Variants in HHAT observed in about 807,000 individuals in gnomAD.
HHAT encodes hedgehog acyltransferase, also known as protein-cysteine N-palmitoyltransferase HHAT.
In HHAT, 47 loss-of-function variants were observed where a neutral mutation model predicts 70.8. That is an observed-to-expected ratio of 0.66 (90% CI 0.53 to 0.85). HHAT has a LOEUF of 0.85. HHAT is among the 40% of genes least tolerant of loss of function. The pLI is 0.00. For synonymous variants in HHAT, 228 were observed against 247.6 expected, an observed-to-expected ratio of 0.92 and a Z score of 0.74; for missense variants, 609 against 604.8, an observed-to-expected ratio of 1.01 and a Z score of -0.07.
At chr1:210,613,870 A>G (rs1667101890) in intron 10 of HHAT, among the ~76,000 whole-genome samples, 1 of 151,962 alleles carries the variant, frequency 6.6e-6, no homozygotes, top group African/African-American at 2.4e-5. Flanking sequence ...AAAGCAAACA[A>G]TTAGCCAATT....
intron 7 of HHAT, among the ~76,000 whole-genome samples, chr1:210,420,205 A>G (rs777048587): frequency 4.1e-4 from 63 of 152,134 alleles, no homozygotes; most frequent in Non-Finnish European, 7.6e-4. Context: ...TTAAAATTGC[A>G]TATGTTAACA....
chr1:210,408,409 C>T (rs2092414233), intron 6 of HHAT, among the ~76,000 whole-genome samples: 1 of 152,128 alleles, frequency 6.6e-6, no homozygotes, highest in South Asian at 2.1e-4. Flanking sequence ...TCTTGAACTC[C>T]CGACCTCAGG....
chr1:210,601,523 C>T (rs777929520), intron 10 of HHAT, among the ~76,000 whole-genome samples: 14 of 152,072 alleles, frequency 9.2e-5, no homozygotes, highest in East Asian at 1.9e-4. Flanking sequence ...TACCCTTTCT[C>T]GACAGAGCCC....
chr1:210,395,607 T>C (rs767124188), intron 4 of HHAT, among the ~76,000 whole-genome samples: 1 of 152,190 alleles, frequency 6.6e-6, no homozygotes, highest in Non-Finnish European at 1.5e-5. Context: ...TGTTAAGAGA[T>C]GCTGTGAGTA....
At chr1:210,523,600 T>TTG (rs60537364) in intron 9 of HHAT, among the ~76,000 whole-genome samples, 51,055 of 151,460 alleles carry the variant, frequency 0.34, 8,687 homozygotes, top group Middle Eastern at 0.39. Flanking sequence ...TAAATATAGC[T>TTG]TGTGTGTGTG....
intron 2 of HHAT, among the ~76,000 whole-genome samples, chr1:210,354,133 C>G (rs1278288756): frequency 6.6e-6 from 1 of 150,914 alleles, no homozygotes; most frequent in Admixed American, 6.6e-5. Context: ...TTCAATCCAT[C>G]TCAAGTGTAT....
chr1:210,462,099 C>T (rs1385984341), intron 7 of HHAT, among the ~76,000 whole-genome samples: 3 of 152,142 alleles, frequency 2.0e-5, no homozygotes, highest in Non-Finnish European at 2.9e-5. Context: ...ATTTATATGC[C>T]TTGAATCTGA....
intron 11 of HHAT, among the ~76,000 whole-genome samples, chr1:210,637,556 C>T (rs1220085524): frequency 6.6e-6 from 1 of 152,018 alleles, no homozygotes; most frequent in Non-Finnish European, 1.5e-5. Flanking sequence ...ATAAAAAAGA[C>T]AAATCACCCA....
intron 9 of HHAT, among the ~76,000 whole-genome samples, chr1:210,564,686 G>A (rs1654216433): frequency 6.6e-6 from 1 of 152,152 alleles, no homozygotes; most frequent in African/African-American, 2.4e-5. Flanking sequence ...TATCTAAAGA[G>A]GAAAGTGGAG....
intron 5 of HHAT, among the ~76,000 whole-genome samples, chr1:210,402,090 C>T (rs945172161): frequency 1.3e-5 from 2 of 152,170 alleles, no homozygotes; most frequent in East Asian, 1.9e-4. Context: ...GGAGTAAAGG[C>T]AGAGTCTGTG....
At chr1:210,486,294 C>T (rs1370948817) in intron 8 of HHAT, among the ~76,000 whole-genome samples, 1 of 152,166 alleles carries the variant, frequency 6.6e-6, no homozygotes, top group Non-Finnish European at 1.5e-5. Context: ...ATTTGTGTAA[C>T]AGCCTAGTAA....
In HHAT at chr1:210,610,570, T is replaced by A. The variant is rs188506294; in HGVS notation, c.1246-12956T>A. Among the ~76,000 whole-genome samples the A allele has an allele frequency of 1.9e-3, 291 of 152,342 alleles. 1 individual carries two copies. Among genetic ancestry groups the A allele is most frequent in the South Asian group, 7.7e-3 (37 of 4,834 alleles). On this transcript the variant is annotated intron_variant, in intron 10 of 11. Transcript: ENST00000261458. ...TTTCGTTGCAATTGCTTTTGGGGAT[T>A]TTGTCATGAAATCTTTGCCTGTGCC...
intron 9 of HHAT, among the ~76,000 whole-genome samples, chr1:210,549,785 G>A (rs530117081): frequency 1.3e-5 from 2 of 148,868 alleles, no homozygotes; most frequent in East Asian, 2.2e-4. Flanking sequence ...GCTTGAGCCC[G>A]GGAGTTTAAG....
intron 8 of HHAT, among the ~76,000 whole-genome samples, chr1:210,491,336 G>T (rs1572806663): frequency 6.6e-6 from 1 of 152,216 alleles, no homozygotes; most frequent in Non-Finnish European, 1.5e-5. Context: ...TCCAGTCATT[G>T]CTCTGCCTAA....
intron 7 of HHAT, among the ~76,000 whole-genome samples, chr1:210,444,971 A>T (rs536896392): frequency 1.3e-5 from 2 of 152,092 alleles, no homozygotes; most frequent in Non-Finnish European, 2.9e-5. Flanking sequence ...TCCTGAGTAG[A>T]TGGGATTACA....
intron 4 of HHAT, among the ~76,000 whole-genome samples, chr1:210,397,169 A>G (rs1468168148): frequency 6.6e-6 from 1 of 152,360 alleles, no homozygotes; most frequent in East Asian, 1.9e-4. Context: ...TGTCTCTTGT[A>G]TGTATATGTG....
At position 210,581,445 on chromosome 1, in the gene HHAT, A is replaced by G. The variant is rs558213864; in HGVS notation, c.1044-6453A>G. 8.5e-5 allele frequency among the ~76,000 whole-genome samples: 13 copies of G among 152,308 alleles called. No homozygotes were observed. In the South Asian group the frequency reaches 2.5e-3, roughly 29 times the overall value. ...CTCAGGACAGCACAGCCAGCTCTGTAGAGAAGAGAAACCTGAGCAGGGGCT... is the reference window on the plus strand; with the variant it reads ...CTCAGGACAGCACAGCCAGCTCTGTGGAGAAGAGAAACCTGAGCAGGGGCT... On this transcript the variant is annotated intron_variant, in intron 9 of 11. Coordinates refer to ENST00000261458, the MANE Select transcript of HHAT (RefSeq NM_018194.6).
chr1:210,516,670 T>C (rs999145634), intron 9 of HHAT, among the ~76,000 whole-genome samples: 1 of 152,192 alleles, frequency 6.6e-6, no homozygotes, highest in South Asian at 2.1e-4. Context: ...CTACATTTAT[T>C]AGCTCCAACA....
chr1:210,610,580 A>G (rs1573711107), intron 10 of HHAT, among the ~76,000 whole-genome samples: 1 of 152,096 alleles, frequency 6.6e-6, no homozygotes, highest in South Asian at 2.1e-4. Flanking sequence ...TTTGTCATGA[A>G]ATCTTTGCCT....
Sources: gnomAD v4.1 joint callset for allele counts (sites outside exome capture counted in the v4.1 genomes callset) on GRCh38, gnomAD v4.1.1 for gene constraint, MANE v1.5 for transcripts, NCBI Gene and HGNC (gene_info 2026-07-23, HGNC 2026-07-21) for gene names.